The following HEATR1 variants were observed in gnomAD, a reference collection of about 807,000 sequenced individuals.
HEATR1 encodes the protein HEAT repeat-containing protein 1.
In HEATR1, 77 loss-of-function variants were observed where a neutral mutation model predicts 248.2. The ratio of observed to expected loss-of-function variants is 0.31; its 90% CI spans 0.26 to 0.37. The LOEUF (loss-of-function observed/expected upper bound fraction) is 0.37. HEATR1 is among the 10% of genes least tolerant of loss of function. HEATR1 has a pLI of 1.00. For synonymous variants in HEATR1, 897 were observed against 923.1 expected, an observed-to-expected ratio of 0.97 and a Z score of 0.51; for missense variants, 2,420 against 2,504.9, an observed-to-expected ratio of 0.97 and a Z score of 0.72.
At chr1:236,569,800 T>C (rs1177494035) in intron 28 of HEATR1, among the ~76,000 whole-genome samples, 1 of 152,170 alleles carries the variant, frequency 6.6e-6, no homozygotes, top group Non-Finnish European at 1.5e-5. Flanking sequence ...CCAGGAGATA[T>C]GAAAACATGT....
intron 5 of HEATR1, among the ~76,000 whole-genome samples, chr1:236,597,593 G>A (rs1004295699): frequency 5.3e-5 from 8 of 151,630 alleles, no homozygotes; most frequent in African/African-American, 7.3e-5. Context: ...GAATATTCCC[G>A]ACATTTCTAG....
intron 43 of HEATR1, among the ~76,000 whole-genome samples, chr1:236,553,336 A>G (rs1221444827): frequency 1.3e-5 from 2 of 152,234 alleles, no homozygotes; most frequent in African/African-American, 4.8e-5. Context: ...CTTCTGCCCA[A>G]CGCACCATTG....
chr1:236,582,942 C>G lies in HEATR1; in HGVS notation c.2426-70G>C, dbSNP rs79998950. The G allele has an allele frequency of 1.3e-3, 2,130 of 1,604,700 alleles. 35 individuals are homozygous for G. In the African/African-American group the frequency reaches 0.026, roughly 20 times the overall value. ...CATGCTGGGAGCTTTTTATTCAAGACAGTCATTGTGGAGTCAATCATTCAG... is the reference window on the plus strand; with the variant it reads ...CATGCTGGGAGCTTTTTATTCAAGAGAGTCATTGTGGAGTCAATCATTCAG... On this transcript the variant is annotated intron_variant, in intron 18 of 44. Transcript: ENST00000366582.
chr1:236,555,864 G>C lies in HEATR1; in HGVS notation c.5590C>G (p.Gln1864Glu). ...AGGAAAAAGGCGGTTAGCTGAGACT[G>C]ATGGGAGGTGAGCTCTTCCTTCTTC... ...VMKKEELTSHQSQLTAFFLEA... is the reference protein window; with the variant it reads ...VMKKEELTSHESQLTAFFLEA... The change falls in exon 39 of 45, where the codon CAG becomes GAG. Residue 1864 changes from glutamine to glutamate, a missense_variant. Transcript: ENST00000366582. 1 of 1,613,766 alleles carries C rather than the reference G, an allele frequency of 6.2e-7. No homozygotes were observed. Among genetic ancestry groups the C allele is most frequent in the South Asian group, 1.1e-5 (1 of 91,072 alleles).
chr1:236,582,110 TA>T (rs1663764881), intron 19 of HEATR1, among the ~76,000 whole-genome samples: 2 of 152,128 alleles, frequency 1.3e-5, no homozygotes, highest in African/African-American at 4.8e-5. Context: ...TTTATTTATT[TA>T]TTATTTTTTT....
chr1:236,602,605 G>T (rs1229121517), intron 3 of HEATR1, among the ~76,000 whole-genome samples: 1 of 152,224 alleles, frequency 6.6e-6, no homozygotes, highest in African/African-American at 2.4e-5. Context: ...AAGCTGTAAT[G>T]GCAAAGTAGC....
intron 5 of HEATR1, 42 bp downstream of exon 5, chr1:236,597,836 A>C (rs764125771): frequency 7.9e-7 from 1 of 1,266,134 alleles, no homozygotes; most frequent in South Asian, 1.3e-5. Flanking sequence ...AAAGCAAGCA[A>C]TCTTTTCATA....
intron 19 of HEATR1, 71 bp downstream of exon 19, chr1:236,582,665 A>T: frequency 6.5e-7 from 1 of 1,537,314 alleles, no homozygotes; most frequent in Non-Finnish European, 9.0e-7. Context: ...GGCCTCCCAA[A>T]GTGCTGGGAT....
In HEATR1 at chr1:236,571,635, T is replaced by A; in HGVS notation, c.3759A>T (p.Gln1253His). 1 of 1,614,136 alleles carries A rather than the reference T, an allele frequency of 6.2e-7. No individual in the cohort carries two copies. ...QEQGNMEYTK[Q>H]LILSCLLNIC... ...TGTTGAGCAGACAACTAAGAATTAATTGTTTGGTGTATTCCATATTTCCCT... is the reference window on the plus strand; with the variant it reads ...TGTTGAGCAGACAACTAAGAATTAAATGTTTGGTGTATTCCATATTTCCCT... Residue 1253 changes from glutamine (Q) to histidine (H), a missense_variant, in exon 27 of 45, where the codon CAA becomes CAT. Transcript: ENST00000366582.
chr1:236,595,711 C>G, intron 7 of HEATR1, 38 bp from the exon 8 acceptor site: 1 of 1,579,932 alleles, frequency 6.3e-7, no homozygotes, highest in Non-Finnish European at 8.6e-7. Context: ...GTTGACTTTA[C>G]AAGTTAGACA....
chr1:236,590,788 G>T, intron 12 of HEATR1, 59 bp downstream of exon 12: 1 of 833,198 alleles, frequency 1.2e-6, no homozygotes, highest in Non-Finnish European at 1.8e-6. Flanking sequence ...TTCTTATTCA[G>T]AATTACACTG....
At chr1:236,587,927 A>G (rs763090791) in intron 13 of HEATR1, 21 bp downstream of exon 13, 4 of 1,556,582 alleles carry the variant, frequency 2.6e-6, no homozygotes, top group East Asian at 4.5e-5. Flanking sequence ...GTATACCTCA[A>G]CAAATGACAA....
In HEATR1 at chr1:236,556,161, G is replaced by C; in HGVS notation, c.5453C>G (p.Ala1818Gly). The part of the protein sequence containing the change: ...SLKKTLATTL[A>G]PRVLLPAIKK... ...GATGGCGGGCAACAGGACTCGGGGT[G>C]CAAGTGTGGTAGCCAGTGTCTTTTT... Residue 1818 changes from alanine (A) to glycine (G), a missense_variant, in exon 38 of 45, where the codon GCA becomes GGA. Transcript: ENST00000366582. The C allele has an allele frequency of 6.2e-7, 1 of 1,614,090 alleles. No individual in the cohort carries two copies. The highest frequency in any genetic ancestry group is 8.5e-7 in the Non-Finnish European group (1 of 1,180,028).
chr1:236,557,782 C>T (rs930733878), intron 36 of HEATR1, among the ~76,000 whole-genome samples: 3 of 152,196 alleles, frequency 2.0e-5, no homozygotes, highest in Non-Finnish European at 4.4e-5. Flanking sequence ...TTGGCCTTGC[C>T]TAACTGGGTG....
At chr1:236,585,992 G>T (rs763256530) in intron 15 of HEATR1, 51 bp from the exon 16 acceptor site, 2 of 1,597,230 alleles carry the variant, frequency 1.3e-6, no homozygotes, top group South Asian at 1.1e-5. Flanking sequence ...AACACTCAAA[G>T]AATCACATGA....
At chr1:236,563,693 C>T (rs1663196722) in intron 32 of HEATR1, among the ~76,000 whole-genome samples, 1 of 152,202 alleles carries the variant, frequency 6.6e-6, no homozygotes, top group Admixed American at 6.5e-5. Context: ...TTACAGTACT[C>T]TAATGTCAAA....
chr1:236,577,431 A>G (rs1303471101), intron 20 of HEATR1, among the ~76,000 whole-genome samples: 1 of 148,844 alleles, frequency 6.7e-6, no homozygotes, highest in Non-Finnish European at 1.5e-5. Flanking sequence ...GATTACAGAC[A>G]CATCTAAACT....
intron 37 of HEATR1, 133 bp from the exon 38 acceptor site, chr1:236,556,391 C>G (rs764635118): frequency 1.1e-4 from 99 of 887,556 alleles, no homozygotes; most frequent in Non-Finnish European, 1.6e-4. Flanking sequence ...ACACAGAATT[C>G]CTTTTAAAGT....
intron 30 of HEATR1, among the ~76,000 whole-genome samples, 198 bp downstream of exon 30, chr1:236,566,448 A>T (rs1663273249): frequency 6.6e-6 from 1 of 152,170 alleles, no homozygotes; most frequent in African/African-American, 2.4e-5. Context: ...TTTTGCTGCA[A>T]CTGAGGATAT....
Sources: allele counts gnomAD v4.1 joint callset (sites outside exome capture counted in the v4.1 genomes callset), GRCh38; gene constraint gnomAD v4.1.1; transcripts MANE v1.5; gene names NCBI Gene and HGNC (gene_info 2026-07-23, HGNC 2026-07-21).